ASAP2: variants seen among roughly 807,000 people sequenced by gnomAD.
ASAP2 encodes arf-GAP with SH3 domain, ANK repeat and PH domain-containing protein 2.
In ASAP2, 45 loss-of-function variants were observed where a neutral mutation model predicts 131.4. The observed-to-expected ratio is 0.34, with a 90% CI of 0.27 to 0.44. The LOEUF (loss-of-function observed/expected upper bound fraction) is 0.44. Ranked by LOEUF, ASAP2 falls within the 20% of genes least tolerant of loss-of-function variation. The pLI, the probability that ASAP2 is intolerant of heterozygous loss-of-function variation, is 1.00. For missense variants in ASAP2, 1,011 were observed against 1,297.0 expected, an observed-to-expected ratio of 0.78 and a Z score of 3.39; for synonymous variants, 510 against 503.0, an observed-to-expected ratio of 1.01 and a Z score of -0.19.
At position 9,388,328 on chromosome 2, in the gene ASAP2, G is replaced by T. The variant is rs141714475; in HGVS notation, c.2165G>T (p.Ser722Ile). The change falls in exon 22 of 28, where the codon AGC becomes ATC. Residue 722 changes from serine to isoleucine, a missense_variant. Physicochemically the swap from Ser to Ile is moderately radical, Grantham distance 142 (BLOSUM62 -2). Coordinates refer to ENST00000281419, the MANE Select transcript of ASAP2 (RefSeq NM_003887.3). Reference sequence around the variant, plus strand: ...AACCGGCGGGAAGACCGGCCCATCAGCTTCTACCAGCTGGGCTCCAACCAG... The same window carrying T: ...AACCGGCGGGAAGACCGGCCCATCATCTTCTACCAGCTGGGCTCCAACCAG... ...SPNRREDRPI[S>I]FYQLGSNQLQ... 6.2e-7 allele frequency: 1 copy of T among 1,614,140 alleles called. No homozygotes were observed.
At chr2:9,212,689 C>G (rs1661666381) in intron 1 of ASAP2, among the ~76,000 whole-genome samples, 1 of 152,156 alleles carries the variant, frequency 6.6e-6, no homozygotes, top group Admixed American at 6.5e-5. Context: ...TCTGATGAGG[C>G]AGCCTAAGAC....
intron 3 of ASAP2, among the ~76,000 whole-genome samples, chr2:9,307,165 G>C (rs114164991): frequency 6.6e-6 from 1 of 152,202 alleles, no homozygotes; most frequent in Non-Finnish European, 1.5e-5. Flanking sequence ...CATCGCCTGC[G>C]TGGCTTGTTA....
At chr2:9,379,265 G>T (rs1674646521) in intron 19 of ASAP2, among the ~76,000 whole-genome samples, 1 of 152,224 alleles carries the variant, frequency 6.6e-6, no homozygotes, top group African/African-American at 2.4e-5. Context: ...CTTAGACTTT[G>T]GGCGCGTTTA....
chr2:9,260,951 G>A (rs1202171354), intron 1 of ASAP2, among the ~76,000 whole-genome samples: 4 of 152,166 alleles, frequency 2.6e-5, no homozygotes, highest in South Asian at 4.1e-4. Flanking sequence ...GTGGTTAGGG[G>A]GGTTGTGCCT....
chr2:9,349,542 T>C (rs1011114846), intron 11 of ASAP2, among the ~76,000 whole-genome samples: 1 of 152,258 alleles, frequency 6.6e-6, no homozygotes, highest in African/African-American at 2.4e-5. Flanking sequence ...TAGGCAGAGC[T>C]TGGTATCTTC....
rs571341597 is a variant in ASAP2, at chr2:9,268,937, C to T, written c.127-10380C>T. ...AGAACTCAGGGTGCTGGGGACAAAC[C>T]GGTGCTGTGCTGCCTGCAGTGTGGG... On this transcript the variant is annotated intron_variant, in intron 1 of 27. Coordinates refer to ENST00000281419, the MANE Select transcript of ASAP2 (RefSeq NM_003887.3). This position sits in a 1 kb window ranked among gnomAD's most constrained non-coding sequence, Gnocchi z 4.1. Among the ~76,000 whole-genome samples, 15 of 152,186 alleles carry T rather than the reference C, an allele frequency of 9.9e-5. No homozygotes were observed. The highest frequency in any genetic ancestry group is 2.0e-4 in the Admixed American group (3 of 15,298).
Position 9,380,732 on chromosome 2 carries a change from G to A in ASAP2, c.1949-9G>A, listed in dbSNP as rs757607997. ...CTTAACGCCTCCTTTGCTCGCCCTT[G>A]AATTTTAGCAAACGAGTCAGGAGAG... On this transcript the variant is annotated splice_polypyrimidine_tract_variant and intron_variant, in intron 19 of 27. Coordinates refer to ENST00000281419, the MANE Select transcript of ASAP2 (RefSeq NM_003887.3). The A allele has an allele frequency of 6.2e-7, 1 of 1,614,096 alleles. No homozygotes were observed. The highest frequency in any genetic ancestry group is 8.5e-7 in the Non-Finnish European group (1 of 1,180,002).
intron 1 of ASAP2, among the ~76,000 whole-genome samples, chr2:9,215,934 C>T (rs1233146913): frequency 6.6e-6 from 1 of 152,100 alleles, no homozygotes; most frequent in Non-Finnish European, 1.5e-5. Context: ...CTCATCTGAT[C>T]CCACAGGTCA....
chr2:9,263,162 A>T (rs1407266832), intron 1 of ASAP2, among the ~76,000 whole-genome samples: 1 of 152,176 alleles, frequency 6.6e-6, no homozygotes, highest in Non-Finnish European at 1.5e-5. Flanking sequence ...GCTGCCTGTC[A>T]GTAATGTGCC....
At chr2:9,249,827 TAG>T (rs1664584991) in intron 1 of ASAP2, among the ~76,000 whole-genome samples, 1 of 152,180 alleles carries the variant, frequency 6.6e-6, no homozygotes. Context: ...GGGGCATGAT[TAG>T]AGAGAGGCTA....
chr2:9,279,498 A>G (rs1666987373), intron 2 of ASAP2, 109 bp downstream of exon 2: 2 of 989,024 alleles, frequency 2.0e-6, no homozygotes, highest in Non-Finnish European at 1.6e-6. Flanking sequence ...AGACTCCTTT[A>G]TCGGGGCATG....
chr2:9,270,151 G>T (rs1265391798), intron 1 of ASAP2, among the ~76,000 whole-genome samples: 2 of 152,350 alleles, frequency 1.3e-5, no homozygotes, highest in East Asian at 3.9e-4. Context: ...TGGCCCCTGA[G>T]AATTAATGAG....
chr2:9,357,186 AAAAG>A (rs1672766271), intron 14 of ASAP2, among the ~76,000 whole-genome samples: 1 of 151,826 alleles, frequency 6.6e-6, no homozygotes, highest in African/African-American at 2.4e-5. Context: ...TAAAAAAAAA[AAAAG>A]AATACCGACT....
At chr2:9,398,523 A>G (rs996735251) in intron 24 of ASAP2, among the ~76,000 whole-genome samples, 6 of 151,556 alleles carry the variant, frequency 4.0e-5, no homozygotes, top group Non-Finnish European at 8.8e-5. Context: ...AAACAAACAC[A>G]AAGGCCAGGC....
intron 25 of ASAP2, among the ~76,000 whole-genome samples, chr2:9,400,350 C>T (rs1254239675): frequency 1.4e-5 from 1 of 74,034 alleles, no homozygotes; most frequent in Non-Finnish European, 2.7e-5. Context: ...CCCTCCCTCC[C>T]CCATCTCATG....
chr2:9,335,141 G>A lies in ASAP2; in HGVS notation c.811G>A (p.Asp271Asn), dbSNP rs766169846. The A allele has an allele frequency of 6.2e-7, 1 of 1,614,162 alleles. No individual in the cohort carries two copies. Among genetic ancestry groups the A allele is most frequent in the Non-Finnish European group, 8.5e-7 (1 of 1,180,044 alleles). The stretch of plus-strand genomic sequence containing the variant: ...AAGAAGGCAGTTGATACAGCTTCGA[G>A]ATATTTTGAAATCCGCATTGCAGGT... ...EERRQLIQLR[D>N]ILKSALQVEQ... Residue 271 changes from aspartate to asparagine, a missense_variant, in exon 9 of 28, where the codon GAT becomes AAT. Transcript: ENST00000281419.
intron 24 of ASAP2, among the ~76,000 whole-genome samples, chr2:9,396,731 G>A (rs983578096): frequency 1.3e-5 from 2 of 152,232 alleles, no homozygotes; most frequent in Non-Finnish European, 2.9e-5. Flanking sequence ...GCTGGGCACA[G>A]TGGCTCACAC....
chr2:9,374,007 A>G (rs1332561993), intron 16 of ASAP2, among the ~76,000 whole-genome samples: 1 of 152,134 alleles, frequency 6.6e-6, no homozygotes, highest in Non-Finnish European at 1.5e-5. Flanking sequence ...TATTGTGTGC[A>G]TTTTCGCAAG....
intron 20 of ASAP2, among the ~76,000 whole-genome samples, 156 bp from the exon 21 acceptor site, chr2:9,385,089 A>G (rs1473427127): frequency 4.6e-5 from 7 of 152,366 alleles, no homozygotes; most frequent in African/African-American, 1.7e-4. Context: ...TACGCTGTGA[A>G]GTAGGCAGAG....
Sources: gnomAD v4.1 joint callset for allele counts (sites outside exome capture counted in the v4.1 genomes callset) on GRCh38, gnomAD v4.1.1 for gene constraint, Gnocchi (gnomAD v3.1) non-coding constraint, MANE v1.5 for transcripts, NCBI Gene and HGNC (gene_info 2026-07-23, HGNC 2026-07-21) for gene names.